BMP2K: variants seen among roughly 807,000 people sequenced by gnomAD.
BMP2K encodes BMP2 inducible kinase.
In BMP2K, 74 loss-of-function variants were observed where a neutral mutation model predicts 116.0. The ratio of observed to expected loss-of-function variants is 0.64; its 90% CI spans 0.53 to 0.77. The LOEUF (loss-of-function observed/expected upper bound fraction) is 0.77, where lower values mean the gene tolerates loss of function less well. BMP2K is among the 30% of genes least tolerant of loss of function. The pLI is 0.00. For missense variants in BMP2K, 1,365 were observed against 1,403.6 expected (o/e 0.97, Z 0.44); for synonymous variants, 486 against 502.5 (o/e 0.97, Z 0.44).
At chr4:78,883,374 C>T (rs940521859) in intron 14 of BMP2K, among the ~76,000 whole-genome samples, 1 of 151,926 alleles carries the variant, frequency 6.6e-6, no homozygotes, top group Non-Finnish European at 1.5e-5. Context: ...ATTTTGTGTC[C>T]TGAGACTCAC....
intron 1 of BMP2K, among the ~76,000 whole-genome samples, chr4:78,797,940 C>T (rs1035871015): frequency 1.2e-4 from 18 of 152,076 alleles, no homozygotes; most frequent in Non-Finnish European, 1.5e-5. Flanking sequence ...GATACTTCCT[C>T]CTCATTTGGG....
At chr4:78,849,044 A>G (rs975037830) in intron 6 of BMP2K, among the ~76,000 whole-genome samples, 1 of 151,510 alleles carries the variant, frequency 6.6e-6, no homozygotes, top group Non-Finnish European at 1.5e-5. Flanking sequence ...GAGTTATGAT[A>G]TTGAGGCATG....
At position 78,912,068 on chromosome 4, in the gene BMP2K, T is replaced by G. The variant is rs753675453; in HGVS notation, c.*35T>G. ...ATGGATTCTCGGCATTAACTCCTGT[T>G]TCAAAAAAGTGTGAACAGTTTTATG... On this transcript the variant is annotated 3_prime_UTR_variant, in exon 16 of 16. Transcript: ENST00000502613. 26 of 1,528,824 alleles carry G rather than the reference T, an allele frequency of 1.7e-5. No individual in the cohort carries two copies. In the South Asian group the frequency reaches 3.3e-4, roughly 19 times the overall value. 94.7% of individuals were successfully genotyped at this position (1,528,824 alleles called of 1,614,324 possible).
At chr4:78,833,736 T>C in intron 3 of BMP2K, 49 bp downstream of exon 3, 1 of 1,255,768 alleles carries the variant, frequency 8.0e-7, no homozygotes, top group Non-Finnish European at 1.1e-6. Flanking sequence ...TCTCCTTAAA[T>C]GGGTTACTAG....
chr4:78,788,713 T>A (rs1023284586), intron 1 of BMP2K, among the ~76,000 whole-genome samples: 13 of 151,248 alleles, frequency 8.6e-5, no homozygotes, highest in African/African-American at 1.5e-4. Flanking sequence ...TTTTTTTAAA[T>A]ATGTGTTTGT....
intron 1 of BMP2K, among the ~76,000 whole-genome samples, chr4:78,785,727 A>G (rs765845672): frequency 1.6e-4 from 24 of 152,212 alleles, no homozygotes; most frequent in East Asian, 3.8e-4. Context: ...TACCCTTGAT[A>G]TGTGTGGGAA....
At chr4:78,876,617 G>A (rs1193000051) in intron 13 of BMP2K, among the ~76,000 whole-genome samples, 2 of 152,114 alleles carry the variant, frequency 1.3e-5, no homozygotes, top group Non-Finnish European at 2.9e-5. Context: ...AGCTCTCAAC[G>A]GTTAGGTAAA....
chr4:78,787,390 T>C (rs990545406), intron 1 of BMP2K, among the ~76,000 whole-genome samples: 5 of 152,220 alleles, frequency 3.3e-5, no homozygotes, highest in African/African-American at 9.6e-5. Context: ...ATATGTATAG[T>C]ACATCTTTGT....
In BMP2K at chr4:78,820,264, G is replaced by A. The variant is rs140497336; in HGVS notation, c.179-5773G>A. Among the ~76,000 whole-genome samples, 73 of 152,276 alleles carry A rather than the reference G, an allele frequency of 4.8e-4. 1 individual carries two copies. In the East Asian group the frequency reaches 0.014, roughly 29 times the overall value. Reference sequence around the variant, plus strand: ...ACATTCATCTATTGCTATGTGCGATGACTGGATATGGCTATAGGGCTGAAG... The same window carrying A: ...ACATTCATCTATTGCTATGTGCGATAACTGGATATGGCTATAGGGCTGAAG... On this transcript the variant is annotated intron_variant, in intron 1 of 15. Transcript: ENST00000502613.
At chr4:78,821,262 A>G (rs1158145754) in intron 1 of BMP2K, among the ~76,000 whole-genome samples, 4 of 152,110 alleles carry the variant, frequency 2.6e-5, no homozygotes, top group South Asian at 2.1e-4. Context: ...CTTTGTGTAA[A>G]TGGGGCAAGT....
At chr4:78,834,507 C>T (rs1042378569) in intron 3 of BMP2K, among the ~76,000 whole-genome samples, 5 of 152,064 alleles carry the variant, frequency 3.3e-5, no homozygotes, top group Admixed American at 2.0e-4. Context: ...GTGATCCGCC[C>T]GCCTCAGCCT....
intron 15 of BMP2K, among the ~76,000 whole-genome samples, chr4:78,890,051 T>C (rs778951618): frequency 5.3e-5 from 8 of 152,180 alleles, no homozygotes; most frequent in Non-Finnish European, 8.8e-5. Context: ...TTTGATACTG[T>C]AATAGATTAG....
chr4:78,888,260 T>C (rs576560969), intron 15 of BMP2K: 40 of 152,362 alleles, frequency 2.6e-4, no homozygotes, highest in African/African-American at 9.1e-4. Flanking sequence ...GCTTTCAAGT[T>C]TTCTTTTTCA....
intron 15 of BMP2K, among the ~76,000 whole-genome samples, chr4:78,903,472 AAC>A (rs1261130417): frequency 2.0e-5 from 3 of 151,950 alleles, no homozygotes; most frequent in Non-Finnish European, 4.4e-5. Flanking sequence ...TTAGTAATCT[AAC>A]ACACACCCCC....
chr4:78,886,732 A>G (rs1396298619), intron 14 of BMP2K, among the ~76,000 whole-genome samples: 1 of 152,178 alleles, frequency 6.6e-6, no homozygotes, highest in Non-Finnish European at 1.5e-5. Context: ...AAAGTAAGAT[A>G]TAGTGAATTA....
At chr4:78,791,467 T>G (rs1727992532) in intron 1 of BMP2K, among the ~76,000 whole-genome samples, 1 of 152,112 alleles carries the variant, frequency 6.6e-6, no homozygotes, top group Admixed American at 6.5e-5. Context: ...ATGCATAAGA[T>G]TCACCATAAT....
chr4:78,829,734 G>C (rs1730060566), intron 2 of BMP2K, among the ~76,000 whole-genome samples: 1 of 149,492 alleles, frequency 6.7e-6, no homozygotes, highest in East Asian at 2.0e-4. Context: ...TGGATGTTGT[G>C]TTAGCAGGCA....
chr4:78,823,443 A>G (rs967565254), intron 1 of BMP2K, among the ~76,000 whole-genome samples: 3 of 150,354 alleles, frequency 2.0e-5, no homozygotes, highest in Non-Finnish European at 4.4e-5. Context: ...AAATAGTATA[A>G]CAAGTAGGGA....
intron 1 of BMP2K, among the ~76,000 whole-genome samples, chr4:78,786,785 G>A (rs183474208): frequency 1.6e-4 from 25 of 152,162 alleles, no homozygotes; most frequent in Admixed American, 3.9e-4. Context: ...TTTGCTCTGC[G>A]TAGCAACTGT....
Sources: gnomAD v4.1 joint callset for allele counts (sites outside exome capture counted in the v4.1 genomes callset) on GRCh38, gnomAD v4.1.1 for gene constraint, MANE v1.5 for transcripts, NCBI Gene and HGNC (gene_info 2026-07-23, HGNC 2026-07-21) for gene names.